The following SLC9C1 variants were observed in gnomAD, a reference collection of about 807,000 sequenced individuals.
The protein encoded by SLC9C1 is sodium/hydrogen exchanger 10.
SLC9C1 carries 97 observed loss-of-function variants against 140.9 expected under a neutral mutation model. The observed-to-expected ratio is 0.69, with a 90% CI of 0.58 to 0.82. SLC9C1 has a LOEUF of 0.82. Among genes scored for constraint, SLC9C1 ranks in the 40% least tolerant of loss-of-function variants. The pLI, the probability that SLC9C1 is intolerant of heterozygous loss-of-function variation, is 0.00. For synonymous variants in SLC9C1, 440 were observed against 442.6 expected (o/e 0.99, Z 0.07); for missense variants, 1,340 against 1,389.3 (o/e 0.96, Z 0.56).
intron 15 of SLC9C1, among the ~76,000 whole-genome samples, chr3:112,213,329 A>G (rs2108084946): frequency 6.6e-6 from 1 of 152,328 alleles, no homozygotes; most frequent in East Asian, 1.9e-4. Context: ...TAACATCATA[A>G]TGACAGGATC....
chr3:112,216,779 T>C (rs2078385218), intron 15 of SLC9C1, among the ~76,000 whole-genome samples: 1 of 152,166 alleles, frequency 6.6e-6, no homozygotes, highest in Admixed American at 6.5e-5. Flanking sequence ...AGTTCAACCA[T>C]TGTGGAAGAC....
chr3:112,246,224 T>C (rs1296061037), intron 10 of SLC9C1, among the ~76,000 whole-genome samples: 1 of 152,198 alleles, frequency 6.6e-6, no homozygotes, highest in Non-Finnish European at 1.5e-5. Context: ...AGTAGGCTTA[T>C]GTTCTGTACA....
intron 26 of SLC9C1, among the ~76,000 whole-genome samples, chr3:112,165,638 C>T (rs1196888766): frequency 6.6e-6 from 1 of 152,176 alleles, no homozygotes; most frequent in South Asian, 2.1e-4. Flanking sequence ...GAAGTTTTGT[C>T]TCAGAGGAGT....
intron 2 of SLC9C1, among the ~76,000 whole-genome samples, chr3:112,285,527 C>A (rs555739821): frequency 3.9e-5 from 6 of 152,202 alleles, no homozygotes; most frequent in Middle Eastern, 3.2e-3. Flanking sequence ...AGGCATCAGG[C>A]ACCGTGCCCA....
chr3:112,236,871 T>A (rs936478160), intron 12 of SLC9C1, among the ~76,000 whole-genome samples: 2 of 152,156 alleles, frequency 1.3e-5, no homozygotes, highest in East Asian at 3.8e-4. Flanking sequence ...TGCTGAGGAG[T>A]GCTTTACTTC....
At chr3:112,255,330 C>G (rs181513013) in intron 10 of SLC9C1, among the ~76,000 whole-genome samples, 1 of 152,104 alleles carries the variant, frequency 6.6e-6, no homozygotes, top group African/African-American at 2.4e-5. Context: ...ACCACACAAT[C>G]AAACGTAAAA....
rs201960081 is a variant in SLC9C1, at chr3:112,141,229, C to T, written c.*43G>A. ...TGTGTTTCTGCAGCAGGAGGCCTCT[C>T]ATAGCCACAGCATTAATACATGCTT... On this transcript the variant is annotated 3_prime_UTR_variant, in exon 29 of 29. Transcript: ENST00000305815. 12 of 1,547,314 alleles carry T rather than the reference C, an allele frequency of 7.8e-6. No individual in the cohort carries two copies. Among genetic ancestry groups the T allele is most frequent in the Non-Finnish European group, 1.0e-5 (12 of 1,150,146 alleles).
chr3:112,156,248 TC>T (rs2075124564), intron 26 of SLC9C1, among the ~76,000 whole-genome samples: 1 of 152,142 alleles, frequency 6.6e-6, no homozygotes. Flanking sequence ...TGAGAACATG[TC>T]GCATTTGTCT....
intron 15 of SLC9C1, among the ~76,000 whole-genome samples, chr3:112,215,100 G>A (rs1324729218): frequency 6.6e-6 from 1 of 152,044 alleles, no homozygotes; most frequent in Non-Finnish European, 1.5e-5. Context: ...ACGAACCAAA[G>A]GCAAAAATCA....
chr3:112,240,950 G>T (rs775126698), intron 11 of SLC9C1, among the ~76,000 whole-genome samples: 12 of 149,290 alleles, frequency 8.0e-5, no homozygotes, highest in Admixed American at 1.3e-4. Flanking sequence ...GACATAGAGG[G>T]TAGAATGATG....
chr3:112,177,953 T>G (rs1338804413), intron 23 of SLC9C1, among the ~76,000 whole-genome samples: 1 of 151,548 alleles, frequency 6.6e-6, no homozygotes, highest in East Asian at 1.9e-4. Context: ...CATATGTGAT[T>G]ATATGCCAAA....
rs765427450 is a variant in SLC9C1, at chr3:112,221,244, A to C, written c.1573-19T>G. On this transcript the variant is annotated intron_variant, in intron 13 of 28. Coordinates refer to ENST00000305815, the MANE Select transcript of SLC9C1 (RefSeq NM_183061.3). ...AGCTTGCCTAAAAAAATATTAATTC[A>C]AGTCATTATATAGCATGAATAACGA... 5 of 1,594,482 alleles carry C rather than the reference A, an allele frequency of 3.1e-6. No individual in the cohort carries two copies. Among genetic ancestry groups the C allele is most frequent in the Non-Finnish European group, 3.4e-6 (4 of 1,163,362 alleles).
Position 112,168,951 on chromosome 3 carries a change from G to A in SLC9C1, c.3163C>T (p.His1055Tyr), listed in dbSNP as rs1302585700. Residue 1055 changes from histidine (H) to tyrosine (Y), a missense_variant, in exon 25 of 29, where the codon CAT becomes TAT. By Grantham distance (83) the His-to-Tyr change is moderately conservative. Transcript: ENST00000305815. ...DENLIYVILI[H>Y]GAVEDCLLRK... Reference sequence around the variant, plus strand: ...AACAGACAATCTTCTACAGCTCCATGTATGAGGATAACATAGATTAGATTT... The same window carrying A: ...AACAGACAATCTTCTACAGCTCCATATATGAGGATAACATAGATTAGATTT... The A allele has an allele frequency of 3.1e-6, 5 of 1,612,224 alleles. No individual in the cohort carries two copies. The South Asian group carries it at 4.4e-5, about 14-fold the overall frequency.
intron 6 of SLC9C1, among the ~76,000 whole-genome samples, chr3:112,274,640 T>C (rs993285284): frequency 6.6e-6 from 1 of 152,160 alleles, no homozygotes; most frequent in African/African-American, 2.4e-5. Context: ...TGGTCTGGCA[T>C]TCTGGTTCAG....
At chr3:112,211,643 G>A (rs2078209063) in intron 15 of SLC9C1, among the ~76,000 whole-genome samples, 1 of 152,238 alleles carries the variant, frequency 6.6e-6, no homozygotes, top group African/African-American at 2.4e-5. Context: ...CTGCAAGGCA[G>A]CAGCAAGGCT....
chr3:112,159,655 T>A (rs2075229960), intron 26 of SLC9C1, among the ~76,000 whole-genome samples: 1 of 152,048 alleles, frequency 6.6e-6, no homozygotes, highest in South Asian at 2.1e-4. Context: ...GTAACTGGGG[T>A]GTTGAAGTCC....
rs536489515 is a variant in SLC9C1 at position 112,157,185 on chromosome 3, GT to G, written c.3365-2137del. Among the ~76,000 whole-genome samples the G allele has an allele frequency of 3.0e-4, 45 of 151,812 alleles. No individual in the cohort carries two copies. The South Asian group carries it at 6.7e-3, about 22-fold the overall frequency. On this transcript the variant is annotated intron_variant, in intron 26 of 28. Coordinates refer to ENST00000305815, the MANE Select transcript of SLC9C1 (RefSeq NM_183061.3). ...TTAAGTCTCTAATCCATTTTGAGTT[GT>G]TTTTTTCTATATGGTAATAGATGGG...
chr3:112,167,551 T>G (rs2077162769), intron 25 of SLC9C1, among the ~76,000 whole-genome samples: 1 of 152,192 alleles, frequency 6.6e-6, no homozygotes, highest in Non-Finnish European at 1.5e-5. Context: ...CATTCATTGA[T>G]TTTTAAATAT....
intron 28 of SLC9C1, among the ~76,000 whole-genome samples, chr3:112,144,174 CTTTTTT>C (rs138026716): frequency 2.8e-5 from 2 of 72,178 alleles, no homozygotes; most frequent in Admixed American, 1.8e-4. Context: ...GATGCCCTGG[CTTTTTT>C]TTTTTTTTTT....
Sources: allele counts gnomAD v4.1 joint callset (sites outside exome capture counted in the v4.1 genomes callset), GRCh38; gene constraint gnomAD v4.1.1; transcripts MANE v1.5; gene names NCBI Gene and HGNC (gene_info 2026-07-23, HGNC 2026-07-21).